The following PLEKHG4B variants were observed in gnomAD, a reference collection of about 807,000 sequenced individuals.
PLEKHG4B encodes the protein pleckstrin homology domain-containing family G member 4B.
Under a neutral mutation model 121.3 loss-of-function variants are expected in PLEKHG4B, and 111 were observed. That is an observed-to-expected ratio of 0.92 (90% CI 0.78 to 1.07). The LOEUF (loss-of-function observed/expected upper bound fraction) is 1.07. PLEKHG4B is among the 50% of genes least tolerant of loss of function. The pLI, the probability that PLEKHG4B is intolerant of heterozygous loss-of-function variation, is 0.00. For missense variants in PLEKHG4B, 1,831 were observed against 1,757.8 expected (o/e 1.04, Z -0.74); for synonymous variants, 738 against 725.0 (o/e 1.02, Z -0.29).
chr5:115,396 G>A (rs1734275966), intron 2 of PLEKHG4B, among the ~76,000 whole-genome samples: 2 of 152,160 alleles, frequency 1.3e-5, no homozygotes, highest in South Asian at 4.1e-4. Context: ...TGATTCTTAG[G>A]GGCCCTGGGA....
chr5:179,147 T>C (rs1736856518), intron 18 of PLEKHG4B, among the ~76,000 whole-genome samples: 1 of 152,240 alleles, frequency 6.6e-6, no homozygotes, highest in Non-Finnish European at 1.5e-5. Context: ...ATCTTCTTAC[T>C]TGGAACTTTT....
chr5:115,174 GA>G (rs1734269287), intron 2 of PLEKHG4B, among the ~76,000 whole-genome samples: 1 of 152,242 alleles, frequency 6.6e-6, no homozygotes, highest in Admixed American at 6.5e-5. Flanking sequence ...ACCACAGATG[GA>G]AACATTTATC....
In PLEKHG4B at chr5:139,413, A is replaced by C. The variant is rs1735080965; in HGVS notation, c.244-70A>C. The C allele has an allele frequency of 5.0e-6, 2 of 398,770 alleles. No individual in the cohort carries two copies. The highest frequency in any genetic ancestry group is 8.8e-6 in the Non-Finnish European group (2 of 226,214). The allele number at this position is 398,770 out of a possible 1,614,324, so 24.7% of individuals were successfully genotyped here. A position where few individuals can be genotyped will look rare whatever the true frequency, so the allele number is the denominator to read the frequency against. ...TCACTGACCTTCCCCTGAGGGGTGG[A>C]GACCCAGGGCATGGAAGGGCTCAGG... On this transcript the variant is annotated intron_variant, in intron 2 of 19. Transcript: ENST00000637938. The surrounding 1 kb of genome is among the most constrained non-coding windows in gnomAD (Gnocchi z 5.0).
intron 1 of PLEKHG4B, among the ~76,000 whole-genome samples, chr5:106,114 C>T (rs896484844): frequency 2.0e-5 from 3 of 152,186 alleles, no homozygotes; most frequent in Non-Finnish European, 2.9e-5. Flanking sequence ...GCATAAAGAA[C>T]CCAGCTCAGG....
At chr5:149,462 G>A in intron 6 of PLEKHG4B, among the ~76,000 whole-genome samples, 1 of 152,118 alleles carries the variant, frequency 6.6e-6, no homozygotes, top group Non-Finnish European at 1.5e-5. Context: ...GATCGCTTGA[G>A]CCCAGGAGGT....
chr5:142,783 C>T (rs1254126494), intron 3 of PLEKHG4B, among the ~76,000 whole-genome samples: 2 of 152,222 alleles, frequency 1.3e-5, no homozygotes, highest in African/African-American at 2.4e-5. Flanking sequence ...TGACCTGTTC[C>T]TCCTGAGGCG....
rs1735081121 is a variant in PLEKHG4B, at chr5:139,417, C to CCAGGGCATGGAAGGGCT, written c.244-61_244-45dup. 1 of 398,860 alleles carries CCAGGGCATGGAAGGGCT rather than the reference C, an allele frequency of 2.5e-6. No homozygotes were observed. The highest frequency in any genetic ancestry group is 4.4e-5 in the Admixed American group (1 of 22,736). The allele number at this position is 398,860 out of a possible 1,614,324, so 24.7% of individuals were successfully genotyped here. On this transcript the variant is annotated intron_variant, in intron 2 of 19. Coordinates refer to ENST00000637938, the MANE Select transcript of PLEKHG4B (RefSeq NM_052909.5). This position sits in a 1 kb window ranked among gnomAD's most constrained non-coding sequence, Gnocchi z 5.0. ...TGACCTTCCCCTGAGGGGTGGAGACCCAGGGCATGGAAGGGCTCAGGACAT... is the reference window on the plus strand; with the variant it reads ...TGACCTTCCCCTGAGGGGTGGAGACCCAGGGCATGGAAGGGCTCAGGGCATGGAAGGGCTCAGGACAT...
chr5:149,864 A>C (rs547326402), intron 6 of PLEKHG4B, among the ~76,000 whole-genome samples: 4 of 152,322 alleles, frequency 2.6e-5, no homozygotes, highest in African/African-American at 9.6e-5. Context: ...TTGTAAAAAA[A>C]CAACAAGTGT....
At chr5:116,261 G>A (rs1027982961) in intron 2 of PLEKHG4B, among the ~76,000 whole-genome samples, 1 of 152,278 alleles carries the variant, frequency 6.6e-6, no homozygotes, top group East Asian at 1.9e-4. Context: ...CACACACAAT[G>A]TTTATTGATT....
At chr5:99,325 A>G (rs1028010249) in intron 1 of PLEKHG4B, among the ~76,000 whole-genome samples, 5 of 151,322 alleles carry the variant, frequency 3.3e-5, no homozygotes, top group African/African-American at 9.7e-5. Context: ...TTTATAGATC[A>G]CTTTAGGTAG....
chr5:163,666 C>G, intron 13 of PLEKHG4B, 118 bp downstream of exon 13: 1 of 828,188 alleles, frequency 1.2e-6, no homozygotes, highest in Non-Finnish European at 1.8e-6. Context: ...AGACATCCCT[C>G]TGGGTCCACC....
chr5:162,647 G>T (rs1579308052), intron 12 of PLEKHG4B, 75 bp from the exon 13 acceptor site: 2 of 1,127,976 alleles, frequency 1.8e-6, no homozygotes, highest in East Asian at 3.1e-5. Flanking sequence ...CTGACCTGGG[G>T]AACAGCAGGG....
At chr5:114,645 G>A (rs1734255638) in intron 2 of PLEKHG4B, among the ~76,000 whole-genome samples, 2 of 152,128 alleles carry the variant, frequency 1.3e-5, no homozygotes, top group Admixed American at 6.5e-5. Flanking sequence ...TTTAGTAGAG[G>A]TGGGTTTCAC....
At chr5:135,682 AATATATATATATATATATATATATATAT>A (rs70955207) in intron 2 of PLEKHG4B, among the ~76,000 whole-genome samples, 1 of 19,610 alleles carries the variant, frequency 5.1e-5, no homozygotes, top group Non-Finnish European at 1.0e-4. Context: ...AAAAAAAAAA[AATATATATATATATATATATATATATAT>A]ATATATATAT....
intron 2 of PLEKHG4B, among the ~76,000 whole-genome samples, chr5:122,310 T>C (rs1269611556): frequency 6.6e-6 from 1 of 152,158 alleles, no homozygotes; most frequent in East Asian, 1.9e-4. Context: ...ATTTTAAATG[T>C]AAACCAAACA....
rs1199893474 is a variant in PLEKHG4B at position 182,845 on chromosome 5, G to GA, written c.*523dup. 6.1e-6 allele frequency: 1 copy of GA among 163,744 alleles called. No individual in the cohort carries two copies. The highest frequency in any genetic ancestry group is 1.4e-5 in the Non-Finnish European group (1 of 73,468). The allele number at this position is 163,744 out of a possible 1,614,324, so 10.1% of individuals were successfully genotyped here. On this transcript the variant is annotated 3_prime_UTR_variant, in exon 20 of 20. Transcript: ENST00000637938. Reference sequence around the variant, plus strand: ...AGAGAGAGATGCCTGCATGGGGAAAGACTCACCAGATCAGCCCCTCCAGCA... The same window carrying GA: ...AGAGAGAGATGCCTGCATGGGGAAAGAACTCACCAGATCAGCCCCTCCAGCA...
intron 2 of PLEKHG4B, among the ~76,000 whole-genome samples, chr5:115,446 T>C (rs1734277203): frequency 6.6e-6 from 1 of 152,120 alleles, no homozygotes; most frequent in African/African-American, 2.4e-5. Context: ...CAACTGAAAG[T>C]CCCCAGCTGC....
Position 106,556 on chromosome 5 carries a change from C to CT in PLEKHG4B, c.46-6692dup, listed in dbSNP as rs577524163. Among the ~76,000 whole-genome samples the CT allele has an allele frequency of 2.1e-3, 322 of 152,352 alleles. 2 individuals carry two copies. Among genetic ancestry groups the CT allele is most frequent in the African/African-American group, 7.2e-3 (300 of 41,574 alleles). On this transcript the variant is annotated intron_variant, in intron 1 of 19. Coordinates refer to ENST00000637938, the MANE Select transcript of PLEKHG4B (RefSeq NM_052909.5). ...GATTTAACGAACATGTAGAACTGCA[C>CT]TTTGTAATTGTCCACAGCGTGCTCA...
rs547524002 is a variant in PLEKHG4B at position 154,934 on chromosome 5, C to G, written c.2052C>G (p.Thr684=). 1 of 1,613,630 alleles carries G rather than the reference C, an allele frequency of 6.2e-7. No homozygotes were observed. The highest frequency in any genetic ancestry group is 1.3e-5 in the African/African-American group (1 of 74,868). Reference sequence around the variant, plus strand: ...AATTTGTTGACAGCTGCCAGCTGACCGCAGACCTCGACGGCTCCTTTCCCT... The same window carrying G: ...AATTTGTTGACAGCTGCCAGCTGACGGCAGACCTCGACGGCTCCTTTCCCT... ...VHKFVDSCQL[T]ADLDGSFPYS... is the part of the protein sequence containing the mutation. Residue 684 remains threonine, a synonymous_variant, in exon 8 of 20, where the codon ACC becomes ACG. Coordinates refer to ENST00000637938, the MANE Select transcript of PLEKHG4B (RefSeq NM_052909.5).
Sources: gnomAD v4.1 joint callset for allele counts (sites outside exome capture counted in the v4.1 genomes callset) on GRCh38, gnomAD v4.1.1 for gene constraint, Gnocchi (gnomAD v3.1) non-coding constraint, MANE v1.5 for transcripts, NCBI Gene and HGNC (gene_info 2026-07-23, HGNC 2026-07-21) for gene names.